Variants in HIPK2 observed in about 807,000 individuals in gnomAD.
HIPK2 encodes the protein homeodomain-interacting protein kinase 2.
HIPK2 carries 27 observed loss-of-function variants against 113.7 expected under a neutral mutation model. The ratio of observed to expected loss-of-function variants is 0.24; its 90% CI spans 0.17 to 0.33. HIPK2 has a LOEUF of 0.33. Among genes scored for constraint, HIPK2 ranks in the 10% least tolerant of loss-of-function variants. HIPK2 has a pLI of 1.00. For synonymous variants in HIPK2, 631 were observed against 642.2 expected (o/e 0.98, Z 0.26); for missense variants, 1,257 against 1,588.0 (o/e 0.79, Z 3.54).
Position 139,613,191 on chromosome 7 carries a change from G to T in HIPK2, c.2112+11C>A. The T allele has an allele frequency of 1.2e-6, 2 of 1,613,482 alleles. No individual in the cohort carries two copies. The highest frequency in any genetic ancestry group is 1.7e-5 in the Admixed American group (1 of 59,980). ...TGGTAATACCAGTAATAATAAAGGA[G>T]AAAGAATTACCTGGGCAAGCAGACC... On this transcript the variant is annotated intron_variant, in intron 9 of 14. Coordinates refer to ENST00000406875, the MANE Select transcript of HIPK2 (RefSeq NM_022740.5). The surrounding 1 kb of genome is among the most constrained non-coding windows in gnomAD (Gnocchi z 4.2).
At position 139,716,604 on chromosome 7, in the gene HIPK2, A is replaced by G; in HGVS notation, c.431T>C (p.Val144Ala). ...KSEEIENTSS[V>A]QIIEEHPPMI... ...GGGTGGATGCTCCTCGATGATCTGC[A>G]CGCTGCTTGTGTTCTCGATCTCCTC... Residue 144 changes from valine (V) to alanine (A), a missense_variant, in exon 2 of 15, where the codon GTG becomes GCG. By Grantham distance (64) the Val-to-Ala change is moderately conservative. Transcript: ENST00000406875. This position sits in a 1 kb window ranked among gnomAD's most constrained non-coding sequence, Gnocchi z 9.3. 6.2e-7 allele frequency: 1 copy of G among 1,613,952 alleles called. No individual in the cohort carries two copies. Among genetic ancestry groups the G allele is most frequent in the Non-Finnish European group, 8.5e-7 (1 of 1,179,876 alleles).
In HIPK2 at chr7:139,573,154, G is replaced by C. The variant is rs146609551; in HGVS notation, c.3370C>G (p.Gln1124Glu). The C allele has an allele frequency of 3.7e-6, 6 of 1,611,092 alleles. No homozygotes were observed. In the East Asian group the frequency reaches 1.3e-4, roughly 36 times the overall value. Residue 1124 changes from glutamine to glutamate, a missense_variant, in exon 15 of 15, where the codon CAA (glutamine) becomes GAA (glutamate). Gln to Glu is a conservative substitution (Grantham distance 29). Around this residue, in one of 5 missense-constraint regions of HIPK2, gnomAD observed 862 missense variants for 1,004.3 expected, o/e 0.86. Coordinates refer to ENST00000406875, the MANE Select transcript of HIPK2 (RefSeq NM_022740.5). The stretch of plus-strand genomic sequence containing the variant: ...TGCACGGTGTGGCGCGCAGAGCCTT[G>C]CGAGGCCACCAGGTGGGCCACGGTG... ...TGTVAHLVAS[Q>E]GSARHTVQHT...
At chr7:139,645,799 G>A (rs1232591468) in intron 2 of HIPK2, among the ~76,000 whole-genome samples, 2 of 152,172 alleles carry the variant, frequency 1.3e-5, no homozygotes, top group Admixed American at 1.3e-4. Context: ...AGTAAATGTG[G>A]CCATGGCCCG....
chr7:139,687,767 C>T (rs1794270490), intron 2 of HIPK2, among the ~76,000 whole-genome samples: 1 of 152,170 alleles, frequency 6.6e-6, no homozygotes, highest in Non-Finnish European at 1.5e-5. Flanking sequence ...GCAGAGGAAC[C>T]AGCTCTTCCT....
rs751936946 is a variant in HIPK2, at chr7:139,573,371, G to A, written c.3153C>T (p.Arg1051=). 4.4e-6 allele frequency: 7 copies of A among 1,604,228 alleles called. No individual in the cohort carries two copies. Among genetic ancestry groups the A allele is most frequent in the Middle Eastern group, 1.8e-4 (1 of 5,606 alleles). Residue 1051 remains arginine, a synonymous_variant, in exon 15 of 15, where the codon CGC becomes CGT. Transcript: ENST00000406875. ...SQAQQHITTD[R]TGSHRRQQAY... The stretch of plus-strand genomic sequence containing the variant: ...CCTGCTGCCTTCGGTGGCTCCCAGT[G>A]CGGTCCGTGGTGATGTGCTGCTGAG...
At chr7:139,707,327 G>C (rs1794931316) in intron 2 of HIPK2, among the ~76,000 whole-genome samples, 1 of 152,260 alleles carries the variant, frequency 6.6e-6, no homozygotes. Flanking sequence ...AAGCCCTGAG[G>C]CTCCATCCGG....
chr7:139,656,379 G>T (rs1801669810), intron 2 of HIPK2, among the ~76,000 whole-genome samples: 1 of 152,186 alleles, frequency 6.6e-6, no homozygotes, highest in Non-Finnish European at 1.5e-5. Context: ...GGATGCTCAA[G>T]AGTCATCTTT....
chr7:139,710,598 T>C (rs1795032847), intron 2 of HIPK2, among the ~76,000 whole-genome samples: 1 of 152,238 alleles, frequency 6.6e-6, no homozygotes, highest in Non-Finnish European at 1.5e-5. Flanking sequence ...TTAGGGATCA[T>C]GCCTTACCCT....
intron 1 of HIPK2, among the ~76,000 whole-genome samples, chr7:139,745,387 G>A (rs1796172925): frequency 6.6e-6 from 1 of 152,188 alleles, no homozygotes; most frequent in Non-Finnish European, 1.5e-5. Context: ...AGGCTAGGGA[G>A]ACTGAGGAAG....
intron 2 of HIPK2, among the ~76,000 whole-genome samples, chr7:139,638,307 A>G (rs765087790): frequency 1.3e-5 from 2 of 152,066 alleles, no homozygotes; most frequent in Non-Finnish European, 2.9e-5. Context: ...CTCATGAGAC[A>G]TGTTTCAGAT....
chr7:139,677,366 T>C lies in HIPK2; in HGVS notation c.1103+38566A>G, dbSNP rs555295068. On this transcript the variant is annotated intron_variant, in intron 2 of 14. Coordinates refer to ENST00000406875, the MANE Select transcript of HIPK2 (RefSeq NM_022740.5). ...AGTGACTTCATTTAGTGAGAAAATGTCTTAGTTCGTTTGTGCTACTATAAA... is the reference window on the plus strand; with the variant it reads ...AGTGACTTCATTTAGTGAGAAAATGCCTTAGTTCGTTTGTGCTACTATAAA... Among the ~76,000 whole-genome samples, 7 of 152,268 alleles carry C rather than the reference T, an allele frequency of 4.6e-5. 1 individual carries two copies. The South Asian group carries it at 1.2e-3, about 27-fold the overall frequency.
chr7:139,657,027 C>A (rs527985495), intron 2 of HIPK2, among the ~76,000 whole-genome samples: 3 of 152,174 alleles, frequency 2.0e-5, no homozygotes, highest in Non-Finnish European at 4.4e-5. Flanking sequence ...TGCACCATCA[C>A]GCCTGGCTAA....
At chr7:139,756,730 T>G (rs1796369305) in intron 1 of HIPK2, among the ~76,000 whole-genome samples, 1 of 152,208 alleles carries the variant, frequency 6.6e-6, no homozygotes, top group South Asian at 2.1e-4. Context: ...CAGTCAGACT[T>G]TATTTTTGTA....
intron 2 of HIPK2, among the ~76,000 whole-genome samples, chr7:139,652,634 T>C (rs1338180277): frequency 1.3e-5 from 2 of 151,746 alleles, no homozygotes; most frequent in Non-Finnish European, 2.9e-5. Context: ...AATTAGAGAG[T>C]GAACAAAAAA....
intron 2 of HIPK2, among the ~76,000 whole-genome samples, chr7:139,641,766 G>T (rs962360068): frequency 6.6e-6 from 1 of 152,212 alleles, no homozygotes; most frequent in African/African-American, 2.4e-5. Flanking sequence ...TCAAGTCTGA[G>T]ACCAGAGTCA....
rs373136654 is a variant in HIPK2, at chr7:139,754,762, G to A, written c.19+22843C>T. On this transcript the variant is annotated intron_variant, in intron 1 of 14. Transcript: ENST00000406875. ...CTTCCTCTGTCACACAGCAGCCTCC[G>A]TGGGCAGTGGGAGGGGAGCTGAAGG... is the stretch of plus-strand genomic sequence containing the variant. Among the ~76,000 whole-genome samples the A allele has an allele frequency of 3.2e-4, 49 of 152,286 alleles. No individual in the cohort carries two copies. The South Asian group carries it at 4.8e-3, about 15-fold the overall frequency.
chr7:139,612,132 G>A (rs1799853673), intron 9 of HIPK2, among the ~76,000 whole-genome samples: 1 of 151,308 alleles, frequency 6.6e-6, no homozygotes, highest in African/African-American at 2.4e-5. Flanking sequence ...AAGACAACAG[G>A]ATATTAGAGA....
chr7:139,684,671 T>A (rs1794162679), intron 2 of HIPK2, among the ~76,000 whole-genome samples: 1 of 152,170 alleles, frequency 6.6e-6, no homozygotes, highest in Non-Finnish European at 1.5e-5. Flanking sequence ...AGCCTATGAT[T>A]GCACCAATGC....
intron 2 of HIPK2, among the ~76,000 whole-genome samples, chr7:139,670,820 A>G (rs1187572803): frequency 1.5e-5 from 2 of 133,744 alleles, no homozygotes; most frequent in African/African-American, 2.9e-5. Flanking sequence ...CTGGAGTGCA[A>G]TGGCACAATC....
Sources: gnomAD v4.1 joint callset for allele counts (sites outside exome capture counted in the v4.1 genomes callset) on GRCh38, gnomAD v4.1.1 for gene constraint, gnomAD v4.1.1 regional missense constraint, Gnocchi (gnomAD v3.1) non-coding constraint, MANE v1.5 for transcripts, NCBI Gene and HGNC (gene_info 2026-07-23, HGNC 2026-07-21) for gene names.